Variants in PLSCR1 observed in about 807,000 individuals in gnomAD.
PLSCR1 encodes phospholipid scramblase 1.
Under a neutral mutation model 37.8 loss-of-function variants are expected in PLSCR1, and 17 were observed. The observed-to-expected ratio is 0.45, with a 90% confidence interval of 0.31 to 0.68. PLSCR1 has a LOEUF of 0.68. Ranked by LOEUF, PLSCR1 falls within the 30% of genes least tolerant of loss-of-function variation. The probability of loss-of-function intolerance (pLI) is 0.06; values close to 1 mark genes in which losing one functional copy is unlikely to be tolerated. For synonymous variants in PLSCR1, 116 were observed against 125.9 expected (o/e 0.92, Z 0.53); for missense variants, 347 against 380.9 (o/e 0.91, Z 0.74).
intron 3 of PLSCR1, among the ~76,000 whole-genome samples, chr3:146,532,000 C>A (rs1462863621): frequency 1.3e-5 from 2 of 152,082 alleles, no homozygotes; most frequent in African/African-American, 4.8e-5. Flanking sequence ...AAGTGTTAGT[C>A]CACATTAACT....
At chr3:146,527,690 T>G (rs1224363748) in intron 4 of PLSCR1, among the ~76,000 whole-genome samples, 1 of 152,206 alleles carries the variant, frequency 6.6e-6, no homozygotes, top group African/African-American at 2.4e-5. Context: ...TCTTGCATAA[T>G]ATAATAATGA....
intron 2 of PLSCR1, among the ~76,000 whole-genome samples, chr3:146,534,948 C>T (rs1360767782): frequency 6.6e-6 from 1 of 152,112 alleles, no homozygotes; most frequent in Admixed American, 6.5e-5. Flanking sequence ...CCTGGACAAA[C>T]ATTGCAACAT....
intron 7 of PLSCR1, among the ~76,000 whole-genome samples, chr3:146,517,804 A>G (rs1010558590): frequency 1.3e-5 from 2 of 152,158 alleles, no homozygotes; most frequent in Admixed American, 1.3e-4. Flanking sequence ...AAGTTTCCTA[A>G]TTTTACAATT....
At chr3:146,544,340 C>CG (rs146290148) in intron 1 of PLSCR1, 127 bp downstream of exon 1, 11,268 of 152,912 alleles carry the variant, frequency 0.074, 546 homozygotes, top group Admixed American at 0.13. Context: ...ACACAACCTG[C>CG]GGGCCCTCGC....
At chr3:146,529,749 G>A (rs938135033) in intron 3 of PLSCR1, among the ~76,000 whole-genome samples, 7 of 152,036 alleles carry the variant, frequency 4.6e-5, no homozygotes, top group African/African-American at 1.7e-4. Flanking sequence ...TCCTGACCTC[G>A]TGATCTGCCC....
chr3:146,538,915 T>A (rs2044301303), intron 1 of PLSCR1, among the ~76,000 whole-genome samples: 1 of 152,214 alleles, frequency 6.6e-6, no homozygotes, highest in Admixed American at 6.5e-5. Flanking sequence ...AGGGAATTCA[T>A]AAACCCATGC....
intron 2 of PLSCR1, among the ~76,000 whole-genome samples, chr3:146,535,266 T>C (rs1261246936): frequency 6.8e-6 from 1 of 147,562 alleles, no homozygotes; most frequent in Non-Finnish European, 1.5e-5. Flanking sequence ...CACACACACA[T>C]ATACAGGAAC....
At chr3:146,533,982 T>C (rs1385087213) in intron 2 of PLSCR1, among the ~76,000 whole-genome samples, 1 of 152,208 alleles carries the variant, frequency 6.6e-6, no homozygotes, top group Non-Finnish European at 1.5e-5. Context: ...TTATTTTAAA[T>C]ATTTAAAATA....
intron 1 of PLSCR1, among the ~76,000 whole-genome samples, chr3:146,544,196 G>T (rs1473579538): frequency 1.3e-5 from 2 of 152,188 alleles, no homozygotes; most frequent in African/African-American, 4.8e-5. Context: ...ATGGTTCTGG[G>T]GTGAGCCCGG....
rs978672118 is a variant in PLSCR1 at position 146,516,919 on chromosome 3, T to C, written c.900+87A>G. 2.0e-5 allele frequency: 18 copies of C among 878,744 alleles called. No individual in the cohort carries two copies. In the Admixed American group the frequency reaches 5.0e-4, roughly 24 times the overall value. The allele number at this position is 878,744 out of a possible 1,614,324, so 54.4% of individuals were successfully genotyped here. A position where few individuals can be genotyped will look rare whatever the true frequency, so the allele number is the denominator to read the frequency against. On this transcript the variant is annotated intron_variant, in intron 8 of 8. Coordinates refer to ENST00000342435, the MANE Select transcript of PLSCR1 (RefSeq NM_021105.3). ...TTTAAAATCTATAAATTTTAAAATG[T>C]CATTTTGAAATATACACTTTACTGA...
chr3:146,528,605 T>C lies in PLSCR1; in HGVS notation c.312+9A>G. ...GTTTTTTATGAGTATTTTGTGTCTT[T>C]GAAATTACCTGACTTAAATATTCTA... On this transcript the variant is annotated intron_variant, in intron 4 of 8. Transcript: ENST00000342435. 1 of 1,607,136 alleles carries C rather than the reference T, an allele frequency of 6.2e-7. No homozygotes were observed. Among genetic ancestry groups the C allele is most frequent in the Non-Finnish European group, 8.5e-7 (1 of 1,173,566 alleles).
At chr3:146,523,756 G>A (rs1317534515) in intron 5 of PLSCR1, among the ~76,000 whole-genome samples, 1 of 152,208 alleles carries the variant, frequency 6.6e-6, no homozygotes, top group African/African-American at 2.4e-5. Context: ...ACAGATGGCT[G>A]CAAAATGCTG....
intron 1 of PLSCR1, among the ~76,000 whole-genome samples, chr3:146,537,585 A>AT (rs1374924941): frequency 6.6e-6 from 1 of 152,104 alleles, no homozygotes; most frequent in African/African-American, 2.4e-5. Context: ...TTTCAGAATT[A>AT]TTTTTTGGCC....
At chr3:146,531,965 C>T (rs927814771) in intron 3 of PLSCR1, among the ~76,000 whole-genome samples, 1 of 152,040 alleles carries the variant, frequency 6.6e-6, no homozygotes, top group Non-Finnish European at 1.5e-5. Context: ...CAGTATTTAC[C>T]TCATAAGAGT....
intron 5 of PLSCR1, among the ~76,000 whole-genome samples, chr3:146,522,489 G>A (rs1417310363): frequency 6.6e-6 from 1 of 152,104 alleles, no homozygotes; most frequent in Non-Finnish European, 1.5e-5. Flanking sequence ...ATGCTTGAAG[G>A]CAGCATGCTT....
rs774182593 is a variant in PLSCR1, at chr3:146,521,981, G to A, written c.428C>T (p.Ala143Val). The A allele has an allele frequency of 3.3e-5, 53 of 1,612,586 alleles. No individual in the cohort carries two copies. The South Asian group carries it at 4.7e-4, about 14-fold the overall frequency. Residue 143 changes from alanine to valine, a missense_variant, in exon 6 of 9, where the codon GCG becomes GTG. Coordinates refer to ENST00000342435, the MANE Select transcript of PLSCR1 (RefSeq NM_021105.3). ...TCGGGTACAGCAATCAGTATCTTCCGCTGCAAAGTAAACCCTCTGTCCAAA... is the reference window on the plus strand; with the variant it reads ...TCGGGTACAGCAATCAGTATCTTCCACTGCAAAGTAAACCCTCTGTCCAAA... ...NSFGQRVYFA[A>V]EDTDCCTRNC... is the part of the protein sequence containing the mutation.
chr3:146,522,941 C>G (rs1037750829), intron 5 of PLSCR1, among the ~76,000 whole-genome samples: 1 of 152,110 alleles, frequency 6.6e-6, no homozygotes, highest in Admixed American at 6.5e-5. Context: ...TTTTCTTTAC[C>G]TTTTTATGAT....
intron 3 of PLSCR1, among the ~76,000 whole-genome samples, chr3:146,532,590 G>C (rs2044213897): frequency 6.6e-6 from 1 of 152,152 alleles, no homozygotes; most frequent in Non-Finnish European, 1.5e-5. Flanking sequence ...TTCTTGCTAG[G>C]CAATTAAACA....
intron 3 of PLSCR1, among the ~76,000 whole-genome samples, chr3:146,532,575 G>T (rs1576792928): frequency 6.6e-6 from 1 of 152,158 alleles, no homozygotes; most frequent in Non-Finnish European, 1.5e-5. Flanking sequence ...GACCCGCAGG[G>T]AGGTTTCTTG....
Sources: gnomAD v4.1 joint callset for allele counts (sites outside exome capture counted in the v4.1 genomes callset) on GRCh38, gnomAD v4.1.1 for gene constraint, MANE v1.5 for transcripts, NCBI Gene and HGNC (gene_info 2026-07-23, HGNC 2026-07-21) for gene names.